The following UTP4 variants were observed in gnomAD, a reference collection of about 807,000 sequenced individuals.
The protein encoded by UTP4 is U3 small nucleolar RNA-associated protein 4 homolog.
Under a neutral mutation model 82.4 loss-of-function variants are expected in UTP4, and 45 were observed. That is an observed-to-expected ratio of 0.55 (90% confidence interval 0.43 to 0.70). The LOEUF is 0.70. Among genes scored for constraint, UTP4 ranks in the 30% least tolerant of loss-of-function variants. The probability of loss-of-function intolerance (pLI) is 0.00; values close to 1 mark genes in which losing one functional copy is unlikely to be tolerated. For missense variants in UTP4, 819 were observed against 858.3 expected (o/e 0.95, Z 0.57); for synonymous variants, 348 against 300.3 (o/e 1.16, Z -1.64).
intron 4 of UTP4, 86 bp downstream of exon 4, chr16:69,137,971 A>G: frequency 1.2e-6 from 1 of 854,740 alleles, no homozygotes; most frequent in Admixed American, 1.8e-5. Context: ...TTTTCCCATG[A>G]ATCCAGGTAA....
intron 2 of UTP4, among the ~76,000 whole-genome samples, chr16:69,133,991 A>C (rs1239488503): frequency 6.6e-6 from 1 of 152,218 alleles, no homozygotes; most frequent in African/African-American, 2.4e-5. Flanking sequence ...TTCAGAAAAA[A>C]TGATAACACG....
At chr16:69,147,366 G>A (rs568235961) in intron 6 of UTP4, among the ~76,000 whole-genome samples, 1 of 149,928 alleles carries the variant, frequency 6.7e-6, no homozygotes, top group African/African-American at 2.5e-5. Flanking sequence ...TTAGCTGGGC[G>A]TGGCGGTATG....
Position 69,136,688 on chromosome 16 carries a change from TTC to T in UTP4, c.160-6_160-5del. ...TGGTAATGTTGAGAAGTTATGGTGT[TTC>T]TGCAGTTTTTCCCAGGTCATGAGTC... On this transcript the variant is annotated splice_polypyrimidine_tract_variant and splice_region_variant and intron_variant, in intron 2 of 16. Coordinates refer to ENST00000314423, the MANE Select transcript of UTP4 (RefSeq NM_032830.3). The T allele has an allele frequency of 6.2e-7, 1 of 1,613,974 alleles. No homozygotes were observed. Among genetic ancestry groups the T allele is most frequent in the South Asian group, 1.1e-5 (1 of 91,064 alleles).
intron 12 of UTP4, among the ~76,000 whole-genome samples, chr16:69,159,726 G>A (rs537339632): frequency 2.6e-5 from 4 of 151,748 alleles, no homozygotes; most frequent in East Asian, 2.0e-4. Flanking sequence ...GGTGGCTCAC[G>A]CCTGTAATCC....
chr16:69,154,648 G>T (rs1253572129), intron 10 of UTP4, among the ~76,000 whole-genome samples, 191 bp downstream of exon 10: 2 of 151,972 alleles, frequency 1.3e-5, no homozygotes, highest in African/African-American at 4.8e-5. Flanking sequence ...TTATTAGATG[G>T]ATGTATACAG....
At chr16:69,153,977 C>G (rs1963344568) in intron 9 of UTP4, among the ~76,000 whole-genome samples, 1 of 151,996 alleles carries the variant, frequency 6.6e-6, no homozygotes, top group Admixed American at 6.6e-5. Context: ...TGAAAACAGG[C>G]TGTTGAAAAA....
At chr16:69,156,515 A>G (rs902647263) in intron 11 of UTP4, among the ~76,000 whole-genome samples, 3 of 150,388 alleles carry the variant, frequency 2.0e-5, no homozygotes, top group Non-Finnish European at 4.4e-5. Context: ...CTGGAGTGCA[A>G]TGGCACCACC....
At chr16:69,149,480 G>A (rs546376789) in intron 6 of UTP4, among the ~76,000 whole-genome samples, 1 of 152,048 alleles carries the variant, frequency 6.6e-6, no homozygotes, top group East Asian at 1.9e-4. Flanking sequence ...AACCCGGGAC[G>A]GCAGAGGTTG....
chr16:69,136,794 T>C lies in UTP4; in HGVS notation c.258T>C (p.Tyr86=), dbSNP rs1962825511. The change falls in exon 3 of 17, where the codon TAT becomes TAC. Residue 86 remains tyrosine, a synonymous_variant. Transcript: ENST00000314423. ...SAGLNGEIME[Y]DLQALNIKYA... Reference sequence around the variant, plus strand: ...GGCTCAATGGCGAGATTATGGAGTATGATTTACAGGCGTTAAACATCAAGT... The same window carrying C: ...GGCTCAATGGCGAGATTATGGAGTACGATTTACAGGCGTTAAACATCAAGT... The C allele has an allele frequency of 6.2e-7, 1 of 1,614,192 alleles. No homozygotes were observed. The highest frequency in any genetic ancestry group is 8.5e-7 in the Non-Finnish European group (1 of 1,180,018).
intron 12 of UTP4, among the ~76,000 whole-genome samples, chr16:69,159,436 T>G (rs1963507674): frequency 3.3e-5 from 5 of 152,198 alleles, no homozygotes; most frequent in Admixed American, 3.3e-4. Flanking sequence ...GGCTCACACC[T>G]CCCAGCACTT....
chr16:69,149,076 T>A (rs1474321614), intron 6 of UTP4, among the ~76,000 whole-genome samples: 1 of 151,816 alleles, frequency 6.6e-6, no homozygotes, highest in Non-Finnish European at 1.5e-5. Context: ...TAAAACCCTG[T>A]CTATACTGAA....
Position 69,157,828 on chromosome 16 carries a change from G to T in UTP4, c.1444+588G>T, listed in dbSNP as rs543472225. Among the ~76,000 whole-genome samples the T allele has an allele frequency of 1.5e-4, 23 of 148,394 alleles. No homozygotes were observed. The East Asian group carries it at 4.1e-3, about 26-fold the overall frequency. On this transcript the variant is annotated intron_variant, in intron 12 of 16. Transcript: ENST00000314423. ...ACAAAGTTGGTCTTGAACTCCTGGGGTCAAGTGATCCTCCCATCCTGCCCT... is the reference window on the plus strand; with the variant it reads ...ACAAAGTTGGTCTTGAACTCCTGGGTTCAAGTGATCCTCCCATCCTGCCCT...
chr16:69,140,065 C>T (rs2152277366), intron 5 of UTP4, 151 bp downstream of exon 5: 6 of 708,234 alleles, frequency 8.5e-6, no homozygotes, highest in South Asian at 7.6e-5. Context: ...AATTTTACTC[C>T]TTTCTTGGAT....
chr16:69,134,321 C>G (rs530807815), intron 2 of UTP4, among the ~76,000 whole-genome samples: 1 of 151,962 alleles, frequency 6.6e-6, no homozygotes, highest in African/African-American at 2.4e-5. Context: ...TTTAGGCATT[C>G]TGTAAATGTT....
At chr16:69,135,605 A>G (rs561609800) in intron 2 of UTP4, among the ~76,000 whole-genome samples, 2 of 152,316 alleles carry the variant, frequency 1.3e-5, no homozygotes, top group Admixed American at 6.5e-5. Context: ...AGTTCCAGCT[A>G]CTTGGAGGGT....
chr16:69,142,345 A>G (rs1962981856), intron 5 of UTP4: 1 of 153,174 alleles, frequency 6.5e-6, no homozygotes, highest in Non-Finnish European at 1.5e-5. Context: ...AAAAAAAAGA[A>G]TGGTGTTCTC....
At chr16:69,132,788 G>C (rs984318980) in intron 1 of UTP4, 99 bp downstream of exon 1, 18 of 230,500 alleles carry the variant, frequency 7.8e-5, no homozygotes, top group Non-Finnish European at 1.4e-4. Context: ...TCCTTGTCCC[G>C]AGGGTCTCCT....
At chr16:69,140,005 A>G (rs571944132) in intron 5 of UTP4, 91 bp downstream of exon 5, 1 of 888,916 alleles carries the variant, frequency 1.1e-6, no homozygotes, top group African/African-American at 1.6e-5. Flanking sequence ...TCATGGTTTC[A>G]TGACCTTTAT....
At chr16:69,160,758 G>A (rs1236190640) in intron 13 of UTP4, among the ~76,000 whole-genome samples, 1 of 151,614 alleles carries the variant, frequency 6.6e-6, no homozygotes, top group Non-Finnish European at 1.5e-5. Flanking sequence ...CTCCACACCT[G>A]GCTAATTTTT....
Sources: allele counts gnomAD v4.1 joint callset (sites outside exome capture counted in the v4.1 genomes callset), GRCh38; gene constraint gnomAD v4.1.1; transcripts MANE v1.5; gene names NCBI Gene and HGNC (gene_info 2026-07-23, HGNC 2026-07-21).